The following HDAC1 variants were observed in gnomAD, a reference collection of about 807,000 sequenced individuals.
HDAC1 encodes histone deacetylase 1, also known as protein deacetylase HDAC1.
In HDAC1, 18 loss-of-function variants were observed where a neutral mutation model predicts 65.5. The ratio of observed to expected loss-of-function variants is 0.27; its 90% CI spans 0.19 to 0.41. The LOEUF (loss-of-function observed/expected upper bound fraction) is 0.41. Ranked by LOEUF, HDAC1 falls within the 10% of genes least tolerant of loss-of-function variation. HDAC1 has a pLI of 1.00. For synonymous variants in HDAC1, 211 were observed against 227.9 expected, an observed-to-expected ratio of 0.93 and a Z score of 0.67; for missense variants, 373 against 625.2, an observed-to-expected ratio of 0.60 and a Z score of 4.30.
chr1:32,297,777 ATTTTTTTTTTTTTTT>A (rs71571709), intron 1 of HDAC1, among the ~76,000 whole-genome samples: 13 of 72,154 alleles, frequency 1.8e-4, no homozygotes, highest in Non-Finnish European at 2.9e-4. Context: ...CGCCTGGCTA[ATTTTTTTTTTTTTTT>A]TTTTTTTTTT....
rs1378144888 is a variant in HDAC1, at chr1:32,331,547, T to C, written c.1053T>C (p.Thr351=). The change falls in exon 10 of 14, where the codon ACT becomes ACC. Residue 351 remains threonine (T), a synonymous_variant. Transcript: ENST00000373548. The surrounding 1 kb of genome is among the most constrained non-coding windows in gnomAD (Gnocchi z 4.2). The stretch of plus-strand genomic sequence containing the variant: ...TCCACATCAGTCCTTCCAATATGAC[T>C]AACCAGAACACGAATGAGTACCTGG... ...FKLHISPSNM[T]NQNTNEYLEK... The C allele has an allele frequency of 2.5e-6, 4 of 1,611,690 alleles. No individual in the cohort carries two copies. The African/African-American group carries it at 4.0e-5, about 16-fold the overall frequency.
intron 2 of HDAC1, among the ~76,000 whole-genome samples, chr1:32,306,635 C>T (rs1426938236): frequency 6.6e-6 from 1 of 152,108 alleles, no homozygotes; most frequent in African/African-American, 2.4e-5. Flanking sequence ...TTCACTAATT[C>T]ACCAAGGTCT....
At position 32,331,003 on chromosome 1, in the gene HDAC1, C is replaced by T. The variant is rs368390726; in HGVS notation, c.979+95C>T. On this transcript the variant is annotated intron_variant, in intron 9 of 13. Transcript: ENST00000373548. This position sits in a 1 kb window ranked among gnomAD's most constrained non-coding sequence, Gnocchi z 4.2. ...ACCCCTTCCCCGTTGGTCATATGAC[C>T]GCTCCTCTTCTGATACTAGTCACTG... 7.2e-6 allele frequency: 8 copies of T among 1,113,790 alleles called. No homozygotes were observed. Among genetic ancestry groups the T allele is most frequent in the African/African-American group, 4.6e-5 (3 of 65,028 alleles). The allele number at this position is 1,113,790 out of a possible 1,614,324, so 69.0% of individuals were successfully genotyped here. A position where few individuals can be genotyped will look rare whatever the true frequency, so the allele number is the denominator to read the frequency against.
rs1361767214 is a variant in HDAC1 at position 32,292,161 on chromosome 1, G to A, written c.-9G>A. ...GACCGACTGACGGTAGGGACGGGAG[G>A]CGAGCAAGATGGCGCAGACGCAGGG... On this transcript the variant is annotated 5_prime_UTR_variant, in exon 1 of 14. Coordinates refer to ENST00000373548, the MANE Select transcript of HDAC1 (RefSeq NM_004964.3). 1 of 1,548,236 alleles carries A rather than the reference G, an allele frequency of 6.5e-7. No individual in the cohort carries two copies. The highest frequency in any genetic ancestry group is 8.7e-7 in the Non-Finnish European group (1 of 1,146,328).
chr1:32,327,606 A>G lies in HDAC1; in HGVS notation c.565A>G (p.Thr189Ala). The G allele has an allele frequency of 1.2e-6, 2 of 1,612,398 alleles. No individual in the cohort carries two copies. The highest frequency in any genetic ancestry group is 1.7e-6 in the Non-Finnish European group (2 of 1,178,486). Residue 189 changes from threonine to alanine, a missense_variant, in exon 6 of 14, where the codon ACC (threonine) becomes GCC (alanine). Thr to Ala is a moderately conservative substitution (Grantham distance 58). Coordinates refer to ENST00000373548, the MANE Select transcript of HDAC1 (RefSeq NM_004964.3). This position sits in a 1 kb window ranked among gnomAD's most constrained non-coding sequence, Gnocchi z 6.0. Reference protein sequence around the residue: ...HGDGVEEAFYTTDRVMTVSFH... With the variant: ...HGDGVEEAFYATDRVMTVSFH... ...TGACGGCGTGGAAGAGGCCTTCTAC[A>G]CCACGGACCGGGTCATGACTGTGTC...
At chr1:32,297,777 ATTTTTTTTTTTTT>A (rs71571709) in intron 1 of HDAC1, among the ~76,000 whole-genome samples, 825 of 72,152 alleles carry the variant, frequency 0.011, 6 homozygotes, top group Non-Finnish European at 0.017. Context: ...CGCCTGGCTA[ATTTTTTTTTTTTT>A]TTTTTTTTTT....
At chr1:32,293,960 C>G (rs946885916) in intron 1 of HDAC1, among the ~76,000 whole-genome samples, 2 of 150,728 alleles carry the variant, frequency 1.3e-5, no homozygotes, top group African/African-American at 4.9e-5. Flanking sequence ...CCCAGCTACT[C>G]AGGAGGCTGA....
At chr1:32,293,895 C>G (rs1640731262) in intron 1 of HDAC1, among the ~76,000 whole-genome samples, 1 of 147,220 alleles carries the variant, frequency 6.8e-6, no homozygotes, top group Non-Finnish European at 1.5e-5. Flanking sequence ...GGGTGAGACT[C>G]CATCTCAAAA....
chr1:32,316,572 C>G (rs546996277), intron 2 of HDAC1, 93 bp from the exon 3 acceptor site: 1 of 751,404 alleles, frequency 1.3e-6, no homozygotes, highest in African/African-American at 1.7e-5. Context: ...GCACCTAGCT[C>G]CATGCTGCGC....
intron 1 of HDAC1, among the ~76,000 whole-genome samples, chr1:32,296,110 G>A (rs563612793): frequency 1.8e-4 from 28 of 152,218 alleles, no homozygotes; most frequent in Non-Finnish European, 3.5e-4. Context: ...TTAGGGAAAG[G>A]GGCCGTGCCT....
At chr1:32,300,798 G>A (rs1640837679) in intron 1 of HDAC1, among the ~76,000 whole-genome samples, 1 of 152,156 alleles carries the variant, frequency 6.6e-6, no homozygotes, top group African/African-American at 2.4e-5. Flanking sequence ...TGTGTCTGGA[G>A]CACAGGTTGG....
At chr1:32,309,240 T>C (rs184299259) in intron 2 of HDAC1, among the ~76,000 whole-genome samples, 79 of 152,260 alleles carry the variant, frequency 5.2e-4, no homozygotes, top group African/African-American at 1.8e-3. Context: ...AAACATGCAA[T>C]TTATATGCAG....
intron 1 of HDAC1, among the ~76,000 whole-genome samples, chr1:32,294,094 G>C (rs1406048066): frequency 6.6e-6 from 1 of 151,736 alleles, no homozygotes; most frequent in Non-Finnish European, 1.5e-5. Context: ...AAAAAATTCA[G>C]ATTGTAGGGG....
intron 1 of HDAC1, among the ~76,000 whole-genome samples, chr1:32,296,224 G>A (rs1039309744): frequency 7.2e-5 from 11 of 152,152 alleles, no homozygotes; most frequent in Admixed American, 2.6e-4. Flanking sequence ...GTGAGGGGCC[G>A]GAGAGGTAGG....
intron 1 of HDAC1, among the ~76,000 whole-genome samples, chr1:32,298,036 G>A (rs567936604): frequency 1.3e-4 from 20 of 150,110 alleles, no homozygotes; most frequent in Admixed American, 2.0e-4. Context: ...TGATTCGCCC[G>A]CCTCGGCCTC....
chr1:32,304,631 G>A (rs941023296), intron 2 of HDAC1, among the ~76,000 whole-genome samples: 1 of 151,808 alleles, frequency 6.6e-6, no homozygotes, highest in Non-Finnish European at 1.5e-5. Flanking sequence ...GTGCAGTGGT[G>A]CAATCTTGGC....
intron 2 of HDAC1, among the ~76,000 whole-genome samples, chr1:32,306,179 T>C (rs1186911794): frequency 6.6e-6 from 1 of 151,248 alleles, no homozygotes; most frequent in Non-Finnish European, 1.5e-5. Flanking sequence ...CACTTTTTTT[T>C]CTTTTTCTTT....
At chr1:32,295,151 C>G (rs114277101) in intron 1 of HDAC1, among the ~76,000 whole-genome samples, 4,201 of 152,258 alleles carry the variant, frequency 0.028, 89 homozygotes, top group Middle Eastern at 0.044. Flanking sequence ...TGGTGGCTCA[C>G]GCCTATAATC....
At position 32,333,000 on chromosome 1, in the gene HDAC1, C is replaced by G; in HGVS notation, c.1422-17C>G. On this transcript the variant is annotated splice_polypyrimidine_tract_variant and intron_variant, in intron 13 of 13. Transcript: ENST00000373548. ...CTGGGCTGGGTCATCTCATGCCAGT[C>G]TCTGCTCTCTCCACAGGGTCAAGGA... 1.2e-6 allele frequency: 2 copies of G among 1,613,346 alleles called. No individual in the cohort carries two copies. The highest frequency in any genetic ancestry group is 1.7e-6 in the Non-Finnish European group (2 of 1,179,588).
Sources: gnomAD v4.1 joint callset for allele counts (sites outside exome capture counted in the v4.1 genomes callset) on GRCh38, gnomAD v4.1.1 for gene constraint, Gnocchi (gnomAD v3.1) non-coding constraint, MANE v1.5 for transcripts, NCBI Gene and HGNC (gene_info 2026-07-23, HGNC 2026-07-21) for gene names.